Variants in CAMTA1 observed in about 807,000 individuals in gnomAD.
The protein encoded by CAMTA1 is calmodulin binding transcription activator 1.
In CAMTA1, 27 loss-of-function variants were observed where a neutral mutation model predicts 170.9. The observed-to-expected ratio is 0.16, with a 90% CI of 0.12 to 0.22. The LOEUF is 0.22. Among genes scored for constraint, CAMTA1 ranks in the 10% least tolerant of loss-of-function variants. CAMTA1 has a pLI of 1.00. For synonymous variants in CAMTA1, 833 were observed against 891.5 expected, an observed-to-expected ratio of 0.93 and a Z score of 1.17; for missense variants, 1,619 against 2,217.2, an observed-to-expected ratio of 0.73 and a Z score of 5.42.
intron 3 of CAMTA1, among the ~76,000 whole-genome samples, chr1:7,015,961 C>T (rs1572452963): frequency 6.6e-6 from 1 of 152,242 alleles, no homozygotes; most frequent in African/African-American, 2.4e-5. Flanking sequence ...CTCCTGAGAA[C>T]TCACTATCAT....
intron 3 of CAMTA1, among the ~76,000 whole-genome samples, chr1:6,881,833 G>A (rs537251619): frequency 1.3e-5 from 2 of 152,246 alleles, no homozygotes; most frequent in Non-Finnish European, 2.9e-5. Flanking sequence ...TGGGCATGGT[G>A]GCGGTTGCCT....
chr1:7,342,562 G>A (rs1266433450), intron 5 of CAMTA1, among the ~76,000 whole-genome samples: 1 of 152,304 alleles, frequency 6.6e-6, no homozygotes, highest in East Asian at 1.9e-4. Flanking sequence ...GGGTGCCCAT[G>A]GTGGCCCTTG....
intron 22 of CAMTA1, among the ~76,000 whole-genome samples, chr1:7,763,396 G>C (rs2096990746): frequency 6.6e-6 from 1 of 152,180 alleles, no homozygotes; most frequent in Non-Finnish European, 1.5e-5. Context: ...TAACTCAGGA[G>C]TTGTGGAAGC....
intron 6 of CAMTA1, among the ~76,000 whole-genome samples, chr1:7,531,089 T>A (rs2094487519): frequency 6.6e-6 from 1 of 151,790 alleles, no homozygotes; most frequent in African/African-American, 2.4e-5. Context: ...AATGCTGAGA[T>A]TACAGGCATG....
chr1:7,131,459 T>A (rs1397650539), intron 4 of CAMTA1, among the ~76,000 whole-genome samples: 3 of 152,042 alleles, frequency 2.0e-5, no homozygotes, highest in Non-Finnish European at 4.4e-5. Context: ...TATAGTCAGG[T>A]CTATCATAGT....
chr1:7,576,765 A>G (rs1164005225), intron 6 of CAMTA1, among the ~76,000 whole-genome samples: 1 of 152,170 alleles, frequency 6.6e-6, no homozygotes, highest in African/African-American at 2.4e-5. Flanking sequence ...GAGCAGTACT[A>G]GGGAGCCAGC....
In CAMTA1 at chr1:7,698,074, A is replaced by ACCCCCCCCCCCC. The variant is rs55893283; in HGVS notation, c.2914+20344_2914+20355dup. ...CAGGTCATGCTGGCCACGCACTGTGACCCCCCCCCCCCCCACCAACATGGC... is the reference window on the plus strand; with the variant it reads ...CAGGTCATGCTGGCCACGCACTGTGACCCCCCCCCCCCCCCCCCCCCCCCCCACCAACATGGC... On this transcript the variant is annotated intron_variant, in intron 11 of 22. Transcript: ENST00000303635. Among the ~76,000 whole-genome samples, 14 of 98,588 alleles carry ACCCCCCCCCCCC rather than the reference A, an allele frequency of 1.4e-4. 1 individual carries two copies. Among genetic ancestry groups the ACCCCCCCCCCCC allele is most frequent in the Non-Finnish European group, 1.5e-4 (7 of 46,022 alleles). The allele number at this position is 98,588 out of a possible 152,430, so 64.7% of individuals were successfully genotyped here. A position where few individuals can be genotyped will look rare whatever the true frequency, so the allele number is the denominator to read the frequency against.
intron 4 of CAMTA1, among the ~76,000 whole-genome samples, chr1:7,243,156 G>C (rs2412151): frequency 0.53 from 80,142 of 151,562 alleles, 22,260 homozygotes; most frequent in South Asian, 0.64. Flanking sequence ...TCTCATACGT[G>C]TTAATAGCTG....
intron 5 of CAMTA1, among the ~76,000 whole-genome samples, chr1:7,315,902 C>T (rs769653288): frequency 6.6e-6 from 1 of 152,172 alleles, no homozygotes; most frequent in Admixed American, 6.5e-5. Context: ...AAGACACTAC[C>T]TGAGACTGGG....
intron 5 of CAMTA1, among the ~76,000 whole-genome samples, chr1:7,417,370 C>A (rs2091257453): frequency 1.3e-5 from 2 of 151,790 alleles, no homozygotes; most frequent in South Asian, 4.2e-4. Flanking sequence ...GCCCTGCCCC[C>A]AGAGGTGGAG....
chr1:6,845,820 G>T (rs1179441515), intron 3 of CAMTA1, among the ~76,000 whole-genome samples: 1 of 152,144 alleles, frequency 6.6e-6, no homozygotes, highest in African/African-American at 2.4e-5. Context: ...ATAGGTTAAT[G>T]GGATATTGTA....
At chr1:7,617,552 C>T (rs2095567285) in intron 6 of CAMTA1, among the ~76,000 whole-genome samples, 1 of 152,060 alleles carries the variant, frequency 6.6e-6, no homozygotes, top group Non-Finnish European at 1.5e-5. Flanking sequence ...CAAATAAGGC[C>T]TCAAAGCTGA....
At chr1:6,820,031 G>A (rs1336448868) in intron 1 of CAMTA1, 150 bp from the exon 2 acceptor site, 4 of 632,770 alleles carry the variant, frequency 6.3e-6, no homozygotes, top group Non-Finnish European at 1.2e-5. Flanking sequence ...TTGCAGGCCA[G>A]TCATTTTGTG....
chr1:7,661,972 G>A, intron 8 of CAMTA1, 106 bp downstream of exon 8: 1 of 1,318,932 alleles, frequency 7.6e-7, no homozygotes, highest in Non-Finnish European at 1.0e-6. Context: ...ATCTAGTGAG[G>A]GAGGAGGGGG....
At chr1:7,229,037 A>T (rs1312167957) in intron 4 of CAMTA1, among the ~76,000 whole-genome samples, 3 of 152,096 alleles carry the variant, frequency 2.0e-5, no homozygotes. Context: ...GCGTCAGGAC[A>T]GGCATCTCCC....
intron 4 of CAMTA1, among the ~76,000 whole-genome samples, chr1:7,197,628 CCACACACACACACACACACACACA>C (rs3222484): frequency 3.6e-5 from 4 of 109,794 alleles, no homozygotes; most frequent in Non-Finnish European, 3.9e-5. Context: ...TTGTCCCCCA[CCACACACACACACACACACACACA>C]CACACACACA....
chr1:7,410,724 G>A (rs185099127), intron 5 of CAMTA1, among the ~76,000 whole-genome samples: 2 of 152,252 alleles, frequency 1.3e-5, no homozygotes, highest in Admixed American at 6.5e-5. Flanking sequence ...CCCATGTAGC[G>A]GGGCTGGAAA....
intron 21 of CAMTA1, among the ~76,000 whole-genome samples, chr1:7,755,197 C>T (rs960284815): frequency 5.3e-5 from 8 of 151,714 alleles, no homozygotes; most frequent in African/African-American, 9.7e-5. Flanking sequence ...CGTGGTGGTA[C>T]GCACCTGTAA....
intron 6 of CAMTA1, among the ~76,000 whole-genome samples, chr1:7,529,941 A>C (rs1321544479): frequency 2.0e-5 from 3 of 152,258 alleles, no homozygotes; most frequent in African/African-American, 7.2e-5. Context: ...AGCTTCCTGC[A>C]CAGGTGGGCA....
Sources: allele counts gnomAD v4.1 joint callset (sites outside exome capture counted in the v4.1 genomes callset), GRCh38; gene constraint gnomAD v4.1.1; transcripts MANE v1.5; gene names NCBI Gene and HGNC (gene_info 2026-07-23, HGNC 2026-07-21).